Variants in PKD1L1 observed in about 807,000 individuals in gnomAD.
PKD1L1 encodes the protein polycystin 1 like 1, transient receptor potential channel interacting.
Under a neutral mutation model 323.4 loss-of-function variants are expected in PKD1L1, and 236 were observed. That is an observed-to-expected ratio of 0.73 (90% CI 0.66 to 0.81). PKD1L1 has a LOEUF of 0.81. Ranked by LOEUF, PKD1L1 falls within the 40% of genes least tolerant of loss-of-function variation. The pLI is 0.00. For synonymous variants in PKD1L1, 1,344 were observed against 1,335.0 expected (o/e 1.01, Z -0.15); for missense variants, 3,320 against 3,508.0 (o/e 0.95, Z 1.35).
At chr7:47,887,194 G>A (rs1786704264) in intron 17 of PKD1L1, among the ~76,000 whole-genome samples, 1 of 152,236 alleles carries the variant, frequency 6.6e-6, no homozygotes, top group East Asian at 1.9e-4. Context: ...TGGCCGCTGA[G>A]GCCAGCTGTA....
Position 47,847,012 on chromosome 7 carries a change from T to C in PKD1L1, c.5020A>G (p.Arg1674Gly). Residue 1674 changes from arginine to glycine, a missense_variant, in exon 32 of 57, where the codon AGA becomes GGA. Coordinates refer to ENST00000289672, the MANE Select transcript of PKD1L1 (RefSeq NM_138295.5). ...TAGTTCACTGCCTTAGCTAAATATC[T>C]GTTTGGAGGTTTTCTGTCATAGTCA... Reference protein sequence around the residue: ...DADYDRKPPNRYLAKAVNYTV... With the variant: ...DADYDRKPPNGYLAKAVNYTV... 6.2e-7 allele frequency: 1 copy of C among 1,611,814 alleles called. No individual in the cohort carries two copies. Among genetic ancestry groups the C allele is most frequent in the Non-Finnish European group, 8.5e-7 (1 of 1,179,180 alleles).
chr7:47,779,704 C>A (rs1410652539), intron 56 of PKD1L1, among the ~76,000 whole-genome samples: 15 of 152,136 alleles, frequency 9.9e-5, no homozygotes, highest in Admixed American at 9.8e-4. Context: ...GCAGAAAGTG[C>A]GAACATATGG....
chr7:47,810,143 C>T (rs1784863945), intron 50 of PKD1L1, among the ~76,000 whole-genome samples: 1 of 152,132 alleles, frequency 6.6e-6, no homozygotes, highest in South Asian at 2.1e-4. Context: ...GGAACTGAAG[C>T]ACATCAGCAG....
At position 47,889,568 on chromosome 7, in the gene PKD1L1, A is replaced by T. The variant is rs145538275; in HGVS notation, c.2675+974T>A. Among the ~76,000 whole-genome samples the T allele has an allele frequency of 7.2e-4, 109 of 152,184 alleles. 1 individual carries two copies. The East Asian group carries it at 0.021, about 29-fold the overall frequency. ...ACTCAGCCTTATTTTCATGGCTCTA[A>T]TCTTGAAACCCTGAATTCCAGTCCA... On this transcript the variant is annotated intron_variant, in intron 16 of 56. Transcript: ENST00000289672.
At chr7:47,958,977 A>G in the PKD1L1 span, among the ~76,000 whole-genome samples, 1 of 152,102 alleles carries the variant, frequency 6.6e-6, no homozygotes, top group Non-Finnish European at 1.5e-5. Flanking sequence ...GCGCGCCACC[A>G]TGCCTGACTG....
rs200403511 is a variant in PKD1L1, at chr7:47,841,042, AATGAACAATTCTG to A, written c.5446-488_5446-476del. On this transcript the variant is annotated intron_variant, in intron 34 of 56. Transcript: ENST00000289672. ...TCACTGGTATCTTCTGTCACACAGA[AATGAACAATTCTG>A]ATGTAATGTCACTTATCAAATTTTC... Among the ~76,000 whole-genome samples the A allele has an allele frequency of 1.6e-3, 247 of 152,344 alleles. 3 individuals carry two copies. Among genetic ancestry groups the A allele is most frequent in the African/African-American group, 5.8e-3 (243 of 41,584 alleles).
chr7:47,913,396 C>T (rs1010221967), intron 8 of PKD1L1, among the ~76,000 whole-genome samples: 1 of 152,156 alleles, frequency 6.6e-6, no homozygotes, highest in Non-Finnish European at 1.5e-5. Flanking sequence ...TCTGTGCCCC[C>T]ACCAAATCTC....
At chr7:47,795,911 G>T in intron 55 of PKD1L1, 78 bp downstream of exon 55, 1 of 1,510,774 alleles carries the variant, frequency 6.6e-7, no homozygotes, top group Non-Finnish European at 9.0e-7. Context: ...TTTGATAACT[G>T]AAAGCAAAAT....
At chr7:47,792,554 A>G in intron 56 of PKD1L1, 73 bp downstream of exon 56, 1 of 1,429,284 alleles carries the variant, frequency 7.0e-7, no homozygotes, top group African/African-American at 1.4e-5. Flanking sequence ...TGGAAAAACA[A>G]CTATTCCAAA....
At chr7:47,852,503 GC>G (rs1299533762) in intron 31 of PKD1L1, among the ~76,000 whole-genome samples, 1 of 152,186 alleles carries the variant, frequency 6.6e-6, no homozygotes, top group African/African-American at 2.4e-5. Flanking sequence ...CCTCTCCAGG[GC>G]CAGGGCCTGT....
At position 47,877,215 on chromosome 7, in the gene PKD1L1, C is replaced by T. The variant is rs1024861494; in HGVS notation, c.3663+274G>A. Among the ~76,000 whole-genome samples the T allele has an allele frequency of 7.2e-5, 11 of 152,164 alleles. No individual in the cohort carries two copies. The East Asian group carries it at 1.2e-3, about 16-fold the overall frequency. On this transcript the variant is annotated intron_variant, in intron 22 of 56. Coordinates refer to ENST00000289672, the MANE Select transcript of PKD1L1 (RefSeq NM_138295.5). ...CATTAACGGAGGCCCCTGTTCTAAC[C>T]AGGCTGCAGGGCAGACGACTCCTGG... is the stretch of plus-strand genomic sequence containing the variant.
At chr7:47,853,740 T>C (rs58632729) in intron 30 of PKD1L1, among the ~76,000 whole-genome samples, 27,880 of 134,440 alleles carry the variant, frequency 0.21, 2,927 homozygotes, top group Middle Eastern at 0.24. Context: ...TGAAACTCTG[T>C]CTCAAAAACA....
intron 28 of PKD1L1, among the ~76,000 whole-genome samples, chr7:47,856,173 G>A (rs537243932): frequency 7.9e-5 from 12 of 152,134 alleles, no homozygotes; most frequent in African/African-American, 2.9e-4. Flanking sequence ...GAGTAGCTGG[G>A]ACTACAGGCA....
At chr7:47,960,287 T>G in the PKD1L1 span, among the ~76,000 whole-genome samples, 15 of 148,276 alleles carry the variant, frequency 1.0e-4, 1 homozygote, top group Middle Eastern at 6.8e-3. Context: ...TTCACTTGTT[T>G]ATCTGCTGAC....
rs181967430 is a variant in PKD1L1, at chr7:47,894,971, C to A, written c.2272-912G>T. 6.6e-5 allele frequency among the ~76,000 whole-genome samples: 10 copies of A among 152,330 alleles called. No individual in the cohort carries two copies. The East Asian group carries it at 1.3e-3, about 21-fold the overall frequency. ...TTCTTCAGATGCACACAGTTCCCTG[C>A]TGATCAGTCTCCTGAGTAGGACCAA... On this transcript the variant is annotated intron_variant, in intron 14 of 56. Coordinates refer to ENST00000289672, the MANE Select transcript of PKD1L1 (RefSeq NM_138295.5).
intron 18 of PKD1L1, among the ~76,000 whole-genome samples, chr7:47,884,990 G>A (rs1375976798): frequency 6.6e-6 from 1 of 152,188 alleles, no homozygotes; most frequent in Non-Finnish European, 1.5e-5. Flanking sequence ...CTTCAAGCGA[G>A]TCTTTTACTG....
chr7:47,880,897 C>T, intron 20 of PKD1L1, 92 bp from the exon 21 acceptor site: 2 of 982,042 alleles, frequency 2.0e-6, no homozygotes, highest in Admixed American at 2.4e-5. Context: ...TCCACTCTTC[C>T]CCCAGGGGTG....
intron 39 of PKD1L1, among the ~76,000 whole-genome samples, chr7:47,834,643 TTTAA>T (rs1302538043): frequency 5.9e-5 from 9 of 152,270 alleles, no homozygotes; most frequent in African/African-American, 1.2e-4. Context: ...GAGAAAAATG[TTTAA>T]TTAATAAAAT....
Position 47,839,651 on chromosome 7 carries a change from TG to T in PKD1L1, c.5563del (p.Gln1855AsnfsTer5). 6.4e-7 allele frequency: 1 copy of T among 1,568,610 alleles called. No individual in the cohort carries two copies. Among genetic ancestry groups the T allele is most frequent in the Non-Finnish European group, 8.6e-7 (1 of 1,156,416 alleles). ...RHTFILSAPA[Q>X]LGLLRKIRLW... ...GCGGATCTTCCTCAGCAGGCCCAGT[TG>T]GGCAGGAGCGCTGGAGGCACACACA... is the stretch of plus-strand genomic sequence containing the variant. On this transcript the variant is annotated frameshift_variant, in exon 36 of 57. Coordinates refer to ENST00000289672, the MANE Select transcript of PKD1L1 (RefSeq NM_138295.5). LOFTEE classifies it high-confidence loss of function. The surrounding 1 kb of genome is among the most constrained non-coding windows in gnomAD (Gnocchi z 4.3).
Sources: allele counts gnomAD v4.1 joint callset (sites outside exome capture counted in the v4.1 genomes callset), GRCh38; gene constraint gnomAD v4.1.1; non-coding constraint Gnocchi (gnomAD v3.1); transcripts MANE v1.5; gene names NCBI Gene and HGNC (gene_info 2026-07-23, HGNC 2026-07-21).